Variants in CDH13 observed in about 807,000 individuals in gnomAD.
CDH13 encodes cadherin 13, also known as cadherin-13.
Under a neutral mutation model 63.8 loss-of-function variants are expected in CDH13, and 24 were observed. That is an observed-to-expected ratio of 0.38 (90% CI 0.27 to 0.53). The LOEUF (loss-of-function observed/expected upper bound fraction) is 0.53, where lower values mean the gene tolerates loss of function less well. Among genes scored for constraint, CDH13 ranks in the 20% least tolerant of loss-of-function variants. The probability of loss-of-function intolerance (pLI) is 0.85; values close to 1 mark genes in which losing one functional copy is unlikely to be tolerated. For missense variants in CDH13, 1,049 were observed against 903.1 expected, an observed-to-expected ratio of 1.16 and a Z score of -2.07; for synonymous variants, 503 against 355.3, an observed-to-expected ratio of 1.42 and a Z score of -4.67.
At chr16:83,546,550 G>A (rs1049335284) in intron 7 of CDH13, among the ~76,000 whole-genome samples, 4 of 151,702 alleles carry the variant, frequency 2.6e-5, no homozygotes, top group African/African-American at 9.7e-5. Context: ...TTAAGTGCCA[G>A]ATAACATCTT....
rs575892728 is a variant in CDH13 at position 83,239,865 on chromosome 16, G to C, written c.636+22368G>C. ...AGGACCAGGAGGATGGGGAATTTGT[G>C]GGGGGCAGGGGAGCTGGAGGAGGTG... is the stretch of plus-strand genomic sequence containing the variant. On this transcript the variant is annotated intron_variant, in intron 5 of 13. Transcript: ENST00000567109. Among the ~76,000 whole-genome samples the C allele has an allele frequency of 8.3e-4, 127 of 152,276 alleles. 1 individual carries two copies. Among genetic ancestry groups the C allele is most frequent in the African/African-American group, 2.9e-3 (119 of 41,548 alleles).
chr16:82,907,220 G>A (rs1044127254), intron 2 of CDH13, among the ~76,000 whole-genome samples: 5 of 152,226 alleles, frequency 3.3e-5, no homozygotes, highest in Admixed American at 1.3e-4. Flanking sequence ...TCACAGTAAA[G>A]GACAGAAAAG....
intron 2 of CDH13, among the ~76,000 whole-genome samples, chr16:83,031,280 AC>A (rs1916296091): frequency 6.9e-6 from 1 of 145,960 alleles, no homozygotes; most frequent in African/African-American, 2.5e-5. Context: ...GCATGTATAC[AC>A]CATATACATG....
chr16:82,701,381 A>G (rs1414204590), intron 1 of CDH13, among the ~76,000 whole-genome samples: 1 of 151,876 alleles, frequency 6.6e-6, no homozygotes, highest in Non-Finnish European at 1.5e-5. Flanking sequence ...GACTTTTAAC[A>G]TTTCTGTGTG....
intron 2 of CDH13, among the ~76,000 whole-genome samples, chr16:83,002,257 T>G (rs1913017155): frequency 6.6e-6 from 1 of 152,182 alleles, no homozygotes; most frequent in South Asian, 2.1e-4. Flanking sequence ...ATGTGTGCTT[T>G]TAAGAGACAC....
intron 1 of CDH13, among the ~76,000 whole-genome samples, chr16:82,676,429 T>A (rs59420301): frequency 0.065 from 9,837 of 151,180 alleles, 381 homozygotes; most frequent in Middle Eastern, 0.16. Context: ...TCAGCAAGAA[T>A]CCATCCAGTT....
At chr16:83,635,823 A>T (rs1203963833) in intron 8 of CDH13, among the ~76,000 whole-genome samples, 1 of 152,152 alleles carries the variant, frequency 6.6e-6, no homozygotes, top group Admixed American at 6.5e-5. Context: ...AGTCCAATTT[A>T]TACTTTTTTC....
At chr16:83,783,695 G>A (rs867190796) in intron 13 of CDH13, among the ~76,000 whole-genome samples, 2 of 152,174 alleles carry the variant, frequency 1.3e-5, no homozygotes, top group Non-Finnish European at 2.9e-5. Context: ...GAGGGATTGT[G>A]CAAAGGTGTT....
At chr16:82,945,219 G>A (rs1490352840) in intron 2 of CDH13, among the ~76,000 whole-genome samples, 2 of 152,194 alleles carry the variant, frequency 1.3e-5, no homozygotes, top group Non-Finnish European at 2.9e-5. Flanking sequence ...TGAAGTTTCT[G>A]TGGCAGTCAC....
rs558330584 is a variant in CDH13, at chr16:83,691,835, G to A, written c.1538+13374G>A. On this transcript the variant is annotated intron_variant, in intron 10 of 13. Coordinates refer to ENST00000567109, the MANE Select transcript of CDH13 (RefSeq NM_001257.5). The stretch of plus-strand genomic sequence containing the variant: ...GCTAGGTTGGCCGCTTTCTGCTATA[G>A]CTACACCAAATTGCTCAAGGTTACG... Among the ~76,000 whole-genome samples, 3 of 152,192 alleles carry A rather than the reference G, an allele frequency of 2.0e-5. No individual in the cohort carries two copies. The East Asian group carries it at 5.8e-4, about 29-fold the overall frequency.
intron 11 of CDH13, among the ~76,000 whole-genome samples, chr16:83,750,729 G>T (rs530099576): frequency 6.6e-6 from 1 of 152,340 alleles, no homozygotes; most frequent in East Asian, 1.9e-4. Flanking sequence ...ACTTCCAGCA[G>T]CTGGGGGAGA....
At chr16:82,834,011 A>T (rs577577100) in intron 1 of CDH13, among the ~76,000 whole-genome samples, 3 of 152,292 alleles carry the variant, frequency 2.0e-5, no homozygotes, top group African/African-American at 7.2e-5. Context: ...CTGGCCCATG[A>T]CTATCTCATT....
At chr16:83,314,706 A>G (rs570193093) in intron 5 of CDH13, among the ~76,000 whole-genome samples, 1 of 152,186 alleles carries the variant, frequency 6.6e-6, no homozygotes, top group Non-Finnish European at 1.5e-5. Context: ...TCTGTACTAT[A>G]CTTAATAGGC....
At chr16:83,680,568 A>T (rs965724202) in intron 10 of CDH13, among the ~76,000 whole-genome samples, 27 of 152,144 alleles carry the variant, frequency 1.8e-4, no homozygotes, top group Admixed American at 8.5e-4. Flanking sequence ...TCACCTTACT[A>T]TTAAACAGCA....
intron 1 of CDH13, among the ~76,000 whole-genome samples, chr16:82,740,257 T>C (rs2033868690): frequency 6.6e-6 from 1 of 152,212 alleles, no homozygotes; most frequent in African/African-American, 2.4e-5. Context: ...TGTAAGAGAC[T>C]TGAGTACTTT....
intron 6 of CDH13, among the ~76,000 whole-genome samples, chr16:83,423,729 G>T (rs2071789817): frequency 6.6e-6 from 1 of 152,206 alleles, no homozygotes; most frequent in African/African-American, 2.4e-5. Flanking sequence ...TAATAAATAT[G>T]TAGGATCAAA....
intron 5 of CDH13, among the ~76,000 whole-genome samples, chr16:83,238,253 C>G (rs6565158): frequency 6.6e-6 from 1 of 151,934 alleles, no homozygotes; most frequent in Non-Finnish European, 1.5e-5. Flanking sequence ...AGTGGACTTA[C>G]AGTTCCACAT....
Position 82,801,044 on chromosome 16 carries a change from C to A in CDH13, c.46-57318C>A, listed in dbSNP as rs182954618. ...ACCCTTATTGAGCAAAGATTAGGAC[C>A]AGTGTTTACAAATTTTTCAAGTACT... On this transcript the variant is annotated intron_variant, in intron 1 of 13. Transcript: ENST00000567109. 1.6e-4 allele frequency among the ~76,000 whole-genome samples: 25 copies of A among 152,220 alleles called. No individual in the cohort carries two copies. The East Asian group carries it at 2.9e-3, about 18-fold the overall frequency.
chr16:83,623,526 G>A (rs923857205), intron 8 of CDH13, among the ~76,000 whole-genome samples: 1 of 152,168 alleles, frequency 6.6e-6, no homozygotes, highest in Non-Finnish European at 1.5e-5. Context: ...GGAGCACAAA[G>A]AATGTCCGTT....
Sources: gnomAD v4.1 joint callset for allele counts (sites outside exome capture counted in the v4.1 genomes callset) on GRCh38, gnomAD v4.1.1 for gene constraint, MANE v1.5 for transcripts, NCBI Gene and HGNC (gene_info 2026-07-23, HGNC 2026-07-21) for gene names.